PRRC2B: variants seen among roughly 807,000 people sequenced by gnomAD.
PRRC2B encodes proline rich coiled-coil 2B, also known as protein PRRC2B.
Under a neutral mutation model 242.3 loss-of-function variants are expected in PRRC2B, and 68 were observed. That is an observed-to-expected ratio of 0.28 (90% CI 0.23 to 0.34). The LOEUF is 0.34. Ranked by LOEUF, PRRC2B falls within the 10% of genes least tolerant of loss-of-function variation. The pLI, the probability that PRRC2B is intolerant of heterozygous loss-of-function variation, is 1.00. For missense variants in PRRC2B, 2,835 were observed against 2,954.8 expected (o/e 0.96, Z 0.94); for synonymous variants, 1,228 against 1,173.6 (o/e 1.05, Z -0.95).
Position 131,478,639 on chromosome 9 carries a change from G to A in PRRC2B, c.4758+20G>A. The A allele has an allele frequency of 1.5e-6, 2 of 1,323,744 alleles. No homozygotes were observed. The highest frequency in any genetic ancestry group is 2.1e-6 in the Non-Finnish European group (2 of 934,434). The allele number at this position is 1,323,744 out of a possible 1,614,324, so 82.0% of individuals were successfully genotyped here. On this transcript the variant is annotated intron_variant, in intron 18 of 31. Transcript: ENST00000683519. The stretch of plus-strand genomic sequence containing the variant: ...GTGCAGGTGAGGGGCGGAGGGTGGG[G>A]GGGCATGGGGCTGGAGGGCAGGCTG...
intron 3 of PRRC2B, among the ~76,000 whole-genome samples, chr9:131,436,366 CA>C (rs1025582135): frequency 2.6e-5 from 4 of 151,104 alleles, no homozygotes; most frequent in Non-Finnish European, 4.4e-5. Flanking sequence ...CCCCCTGTCT[CA>C]AAAAAAAGAA....
chr9:131,405,310 A>G (rs1837333054), intron 1 of PRRC2B, among the ~76,000 whole-genome samples: 1 of 152,202 alleles, frequency 6.6e-6, no homozygotes, highest in African/African-American at 2.4e-5. Flanking sequence ...TTTCTGTATC[A>G]AGTAAAATGA....
intron 1 of PRRC2B, among the ~76,000 whole-genome samples, chr9:131,378,484 G>A (rs1175261454): frequency 6.6e-6 from 1 of 152,010 alleles, no homozygotes; most frequent in Non-Finnish European, 1.5e-5. Flanking sequence ...AGATAATTGG[G>A]CTTCCTTGGA....
rs112814485 is a variant in PRRC2B at position 131,387,064 on chromosome 9, C to T, written c.-56+13333C>T. Among the ~76,000 whole-genome samples, 561 of 149,902 alleles carry T rather than the reference C, an allele frequency of 3.7e-3. 12 individuals carry two copies. The highest frequency in any genetic ancestry group is 0.011 in the African/African-American group (451 of 41,282). On this transcript the variant is annotated intron_variant, in intron 1 of 1. Transcript: ENST00000682525. ...TTGCCCAGGCTGGAGTGCAATGGCA[C>T]GATCTCGGCTCACCGCCACCTCAGC...
chr9:131,392,081 T>C (rs1437714948), upstream of PRRC2B, among the ~76,000 whole-genome samples: 1 of 150,886 alleles, frequency 6.6e-6, no homozygotes, highest in Non-Finnish European at 1.5e-5. Context: ...GTTTATTTCT[T>C]TTTTGCTTGT....
chr9:131,375,028 G>C (rs1226578110), intron 1 of PRRC2B, among the ~76,000 whole-genome samples: 1 of 152,182 alleles, frequency 6.6e-6, no homozygotes, highest in African/African-American at 2.4e-5. Flanking sequence ...AGACTACCCA[G>C]GTTTGAGTCC....
intron 19 of PRRC2B, among the ~76,000 whole-genome samples, chr9:131,481,403 C>A (rs187283724): frequency 6.6e-6 from 1 of 150,966 alleles, no homozygotes; most frequent in East Asian, 1.9e-4. Context: ...TGAAAAGAAG[C>A]ATGAGCATAG....
At chr9:131,399,018 G>C (rs879810386) in intron 1 of PRRC2B, among the ~76,000 whole-genome samples, 1 of 149,016 alleles carries the variant, frequency 6.7e-6, no homozygotes, top group African/African-American at 2.5e-5. Context: ...GCTCACGCCT[G>C]TAATCCAAGC....
chr9:131,416,177 C>A (rs565929681), intron 1 of PRRC2B, among the ~76,000 whole-genome samples: 2 of 151,770 alleles, frequency 1.3e-5, no homozygotes, highest in African/African-American at 4.8e-5. Flanking sequence ...GGCGCCATCT[C>A]GGCTCACTGC....
chr9:131,498,624 C>T lies in PRRC2B; in HGVS notation c.*2750C>T, dbSNP rs1483905116. ...TGTTTTCAAACCCCCATCCTCAGAGCGCAGATACATGCAGAGGCTTCTGCC... is the reference window on the plus strand; with the variant it reads ...TGTTTTCAAACCCCCATCCTCAGAGTGCAGATACATGCAGAGGCTTCTGCC... On this transcript the variant is annotated 3_prime_UTR_variant, in exon 32 of 32. Coordinates refer to ENST00000683519, the MANE Select transcript of PRRC2B (RefSeq NM_013318.4). 3 of 152,372 alleles carry T rather than the reference C, an allele frequency of 2.0e-5. No individual in the cohort carries two copies. Among genetic ancestry groups the T allele is most frequent in the Middle Eastern group, 3.4e-3 (1 of 294 alleles). 9.4% of individuals were successfully genotyped at this position (152,372 alleles called of 1,614,324 possible).
In PRRC2B at chr9:131,487,221, G is replaced by T. The variant is rs540310164; in HGVS notation, c.5911G>T (p.Ala1971Ser). The change falls in exon 27 of 32, where the codon GCT becomes TCT. Residue 1971 changes from alanine (A) to serine (S), a missense_variant. Ala to Ser is a moderately conservative substitution (Grantham distance 99). This residue lies in a region of PRRC2B where 574 missense variants were observed against 626.0 expected (regional missense o/e 0.92). Transcript: ENST00000683519. The surrounding 1 kb of genome is among the most constrained non-coding windows in gnomAD (Gnocchi z 5.3). ...CCTTCACACATCTCTGCAGGCACAA[G>T]CTCAGCTTGGACTGAGGGGTGGGCT... ...ISLHTSLQAQ[A>S]QLGLRGGLPV... The T allele has an allele frequency of 1.2e-6, 2 of 1,613,658 alleles. No individual in the cohort carries two copies. Among genetic ancestry groups the T allele is most frequent in the South Asian group, 2.2e-5 (2 of 91,034 alleles).
chr9:131,377,343 A>G (rs1000332522), intron 1 of PRRC2B, among the ~76,000 whole-genome samples: 1 of 152,102 alleles, frequency 6.6e-6, no homozygotes, highest in Admixed American at 6.6e-5. Flanking sequence ...TCAATCTCCT[A>G]ACCTCGTGAT....
intron 1 of PRRC2B, among the ~76,000 whole-genome samples, chr9:131,425,894 A>C (rs934108659): frequency 4.6e-4 from 70 of 152,000 alleles, no homozygotes; most frequent in Non-Finnish European, 4.4e-5. Flanking sequence ...CTGTAATCCC[A>C]GCTACTTGGG....
rs1360908756 is a variant in PRRC2B at position 131,427,496 on chromosome 9, A to G, written c.-51-2598A>G. ...CAGGCGCCCACCACCACGCCTGGCT[A>G]ATTTTTTGTATTTTTAGTAGAGAAG... On this transcript the variant is annotated intron_variant, in intron 1 of 31. Transcript: ENST00000683519. 3.3e-5 allele frequency among the ~76,000 whole-genome samples: 5 copies of G among 151,912 alleles called. No individual in the cohort carries two copies. The East Asian group carries it at 7.7e-4, about 24-fold the overall frequency.
chr9:131,374,133 T>C (rs1205586363), intron 1 of PRRC2B, among the ~76,000 whole-genome samples: 1 of 151,978 alleles, frequency 6.6e-6, no homozygotes, highest in East Asian at 1.9e-4. Flanking sequence ...TCAGTCACCC[T>C]GATTCGTTCA....
intron 1 of PRRC2B, among the ~76,000 whole-genome samples, chr9:131,376,864 AG>A (rs1320905050): frequency 6.6e-6 from 1 of 152,070 alleles, no homozygotes; most frequent in African/African-American, 2.4e-5. Context: ...AAAATTAGCC[AG>A]GCATGGTGGT....
intron 1 of PRRC2B, among the ~76,000 whole-genome samples, chr9:131,428,066 T>C (rs1254020576): frequency 6.6e-6 from 1 of 151,364 alleles, no homozygotes; most frequent in Non-Finnish European, 1.5e-5. Context: ...GGATTACAGG[T>C]GTGCACCACC....
chr9:131,486,035 G>C (rs182422408), intron 25 of PRRC2B, 50 bp from the exon 26 acceptor site: 2 of 1,224,800 alleles, frequency 1.6e-6, no homozygotes, highest in Non-Finnish European at 2.4e-6. Context: ...ACATTGAGAA[G>C]TAGTGAGGCT....
rs1944272348 is a variant in PRRC2B at position 131,494,289 on chromosome 9, G to C, written c.6474-116G>C. The C allele has an allele frequency of 6.4e-6, 4 of 626,328 alleles. No individual in the cohort carries two copies. The highest frequency in any genetic ancestry group is 1.1e-5 in the Non-Finnish European group (4 of 349,232). 38.8% of individuals were successfully genotyped at this position (626,328 alleles called of 1,614,324 possible). A position where few individuals can be genotyped will look rare whatever the true frequency, so the allele number is the denominator to read the frequency against. Reference sequence around the variant, plus strand: ...AAGAGATCCACGGACCGTCCCGAGTGAGCGCCTCTGGCCGCAGGCCCTTCC... The same window carrying C: ...AAGAGATCCACGGACCGTCCCGAGTCAGCGCCTCTGGCCGCAGGCCCTTCC... On this transcript the variant is annotated intron_variant, in intron 30 of 31. Coordinates refer to ENST00000683519, the MANE Select transcript of PRRC2B (RefSeq NM_013318.4). The surrounding 1 kb of genome is among the most constrained non-coding windows in gnomAD (Gnocchi z 4.3).
Sources: allele counts gnomAD v4.1 joint callset (sites outside exome capture counted in the v4.1 genomes callset), GRCh38; gene constraint gnomAD v4.1.1; regional missense constraint gnomAD v4.1.1; non-coding constraint Gnocchi (gnomAD v3.1); transcripts MANE v1.5; gene names NCBI Gene and HGNC (gene_info 2026-07-23, HGNC 2026-07-21).